Variants in ARHGEF17 observed in about 807,000 individuals in gnomAD.
ARHGEF17 encodes 164 kDa Rho-specific guanine-nucleotide exchange factor.
A neutral mutation model predicts 174.0 loss-of-function variants in ARHGEF17; 80 were observed. The observed-to-expected ratio is 0.46, with a 90% confidence interval of 0.38 to 0.55. The LOEUF (loss-of-function observed/expected upper bound fraction) is 0.55, where lower values mean the gene tolerates loss of function less well. Among genes scored for constraint, ARHGEF17 ranks in the 20% least tolerant of loss-of-function variants. The pLI is 0.00. For synonymous variants in ARHGEF17, 1,311 were observed against 1,189.1 expected (o/e 1.10, Z -2.11); for missense variants, 2,886 against 2,839.7 (o/e 1.02, Z -0.37).
At position 73,362,493 on chromosome 11, in the gene ARHGEF17, G is replaced by T; in HGVS notation, c.4755G>T (p.Glu1585Asp). 6.2e-7 allele frequency: 1 copy of T among 1,600,768 alleles called. No homozygotes were observed. Among genetic ancestry groups the T allele is most frequent in the East Asian group, 2.2e-5 (1 of 44,686 alleles). The change falls in exon 14 of 21, where the codon GAG (glutamate) becomes GAT (aspartate). Residue 1585 changes from glutamate to aspartate, a missense_variant. Glu to Asp is a conservative substitution (Grantham distance 45). Around this residue, in one of 4 missense-constraint regions of ARHGEF17, gnomAD observed 476 missense variants for 473.1 expected, o/e 1.01. Transcript: ENST00000263674. ...CGGCACCGGAGCCCGCCGGGCCGGAGCTGGACGTCGAGGCCGCTGCAGACG... is the reference window on the plus strand; with the variant it reads ...CGGCACCGGAGCCCGCCGGGCCGGATCTGGACGTCGAGGCCGCTGCAGACG... Reference protein sequence around the residue: ...PETAPEPAGPELDVEAAADEE... With the variant: ...PETAPEPAGPDLDVEAAADEE...
chr11:73,362,506 G>T lies in ARHGEF17; in HGVS notation c.4768G>T (p.Ala1590Ser). The change falls in exon 14 of 21, where the codon GCC becomes TCC. Residue 1590 changes from alanine (A) to serine (S), a missense_variant. Physicochemically the swap from Ala to Ser is moderately conservative, Grantham distance 99 (BLOSUM62 1). This residue lies in a region of ARHGEF17 where 476 missense variants were observed against 473.1 expected (regional missense o/e 1.01). Coordinates refer to ENST00000263674, the MANE Select transcript of ARHGEF17 (RefSeq NM_014786.4). ...EPAGPELDVE[A>S]AADEEAATLA... is the part of the protein sequence containing the mutation. ...CGCCGGGCCGGAGCTGGACGTCGAG[G>T]CCGCTGCAGACGAGGAAGCCGCGAC... 3 of 1,603,304 alleles carry T rather than the reference G, an allele frequency of 1.9e-6. No individual in the cohort carries two copies. Among genetic ancestry groups the T allele is most frequent in the Non-Finnish European group, 2.5e-6 (3 of 1,177,356 alleles).
intron 16 of ARHGEF17, 96 bp downstream of exon 16, chr11:73,363,929 C>T: frequency 1.5e-6 from 2 of 1,360,640 alleles, no homozygotes; most frequent in Non-Finnish European, 2.1e-6. Flanking sequence ...TACTGTCCCT[C>T]CTCTGTGTGG....
chr11:73,313,707 G>A (rs1039620958), intron 1 of ARHGEF17, among the ~76,000 whole-genome samples: 2 of 152,234 alleles, frequency 1.3e-5, no homozygotes, highest in South Asian at 4.1e-4. Flanking sequence ...TCCCCTTAGG[G>A]GGAGGTAACT....
chr11:73,364,271 CT>C, intron 17 of ARHGEF17, 32 bp downstream of exon 17: 1 of 1,612,764 alleles, frequency 6.2e-7, no homozygotes, highest in Non-Finnish European at 8.5e-7. Flanking sequence ...CACCCTGCCC[CT>C]GTCCCCTTAC....
Position 73,368,489 on chromosome 11 carries a change from A to C in ARHGEF17, c.*709A>C, listed in dbSNP as rs1326754480. 1 of 152,196 alleles carries C rather than the reference A, an allele frequency of 6.6e-6. No individual in the cohort carries two copies. The allele number at this position is 152,196 out of a possible 1,614,324, so 9.4% of individuals were successfully genotyped here. ...ATCAAGATGCTGACTATTAGGGGGC[A>C]GTGATTGCCATCTGGGGACCTGTCA... On this transcript the variant is annotated 3_prime_UTR_variant, in exon 21 of 21. Transcript: ENST00000263674.
intron 1 of ARHGEF17, among the ~76,000 whole-genome samples, chr11:73,331,230 G>A (rs1434674026): frequency 6.6e-6 from 1 of 152,168 alleles, no homozygotes; most frequent in Non-Finnish European, 1.5e-5. Flanking sequence ...GGGAGCACTG[G>A]CCTTGTCCTG....
chr11:73,322,040 G>A (rs1401830731), intron 1 of ARHGEF17, among the ~76,000 whole-genome samples: 1 of 152,234 alleles, frequency 6.6e-6, no homozygotes, highest in Non-Finnish European at 1.5e-5. Flanking sequence ...GGACTGCTGG[G>A]ACCCCACTCC....
At position 73,311,578 on chromosome 11, in the gene ARHGEF17, C is replaced by G. The variant is rs373611740; in HGVS notation, c.2940C>G (p.Pro980=). 1 of 1,613,670 alleles carries G rather than the reference C, an allele frequency of 6.2e-7. No individual in the cohort carries two copies. The highest frequency in any genetic ancestry group is 8.5e-7 in the Non-Finnish European group (1 of 1,180,034). Reference sequence around the variant, plus strand: ...CTGAGCCACCAACTTCTGTTGGTCCCCCTGTGGCTGTGCCAGAACCCATAG... The same window carrying G: ...CTGAGCCACCAACTTCTGTTGGTCCGCCTGTGGCTGTGCCAGAACCCATAG... The part of the protein sequence containing the change: ...VVPEPPTSVG[P]PVAVPEPIGF... Residue 980 remains proline, a synonymous_variant, in exon 1 of 21, where the codon CCC becomes CCG. Transcript: ENST00000263674.
At chr11:73,317,605 G>A (rs1790468750) in intron 1 of ARHGEF17, among the ~76,000 whole-genome samples, 1 of 152,226 alleles carries the variant, frequency 6.6e-6, no homozygotes, top group Non-Finnish European at 1.5e-5. Flanking sequence ...AGGCAGCCTG[G>A]CGCCTTGCTG....
In ARHGEF17 at chr11:73,309,634, T is replaced by A. The variant is rs934097186; in HGVS notation, c.996T>A (p.Ser332=). 2 of 1,612,980 alleles carry A rather than the reference T, an allele frequency of 1.2e-6. No homozygotes were observed. Among genetic ancestry groups the A allele is most frequent in the Non-Finnish European group, 1.7e-6 (2 of 1,179,990 alleles). ...CTGGGAGCCCTGAGCCCCCAACATC[T>A]CCAAGAGCCCCTAGAGAAGAAGGAC... ...GVSGSPEPPT[S]PRAPREEGLR... is the part of the protein sequence containing the mutation. Residue 332 remains serine, a synonymous_variant, in exon 1 of 21, where the codon TCT becomes TCA. Coordinates refer to ENST00000263674, the MANE Select transcript of ARHGEF17 (RefSeq NM_014786.4).
chr11:73,336,668 A>G (rs575087581), intron 1 of ARHGEF17, among the ~76,000 whole-genome samples: 1 of 152,182 alleles, frequency 6.6e-6, no homozygotes, highest in East Asian at 1.9e-4. Context: ...CATATGAAGG[A>G]CCCTGGGTTC....
chr11:73,345,977 G>A (rs1164140632), intron 1 of ARHGEF17, among the ~76,000 whole-genome samples: 1 of 152,046 alleles, frequency 6.6e-6, no homozygotes, highest in Non-Finnish European at 1.5e-5. Flanking sequence ...GAGGGGAGAG[G>A]TGTAGGGACT....
Position 73,362,428 on chromosome 11 carries a change from C to T in ARHGEF17, c.4695-5C>T. 1.3e-6 allele frequency: 2 copies of T among 1,544,786 alleles called. No homozygotes were observed. Among genetic ancestry groups the T allele is most frequent in the African/African-American group, 1.4e-5 (1 of 73,760 alleles). Reference sequence around the variant, plus strand: ...TGCTGTCATCCTCACTCCGTCTTCTCGCAGGGAGCCTCCTCCGTCGCTGAG... The same window carrying T: ...TGCTGTCATCCTCACTCCGTCTTCTTGCAGGGAGCCTCCTCCGTCGCTGAG... On this transcript the variant is annotated splice_region_variant and splice_polypyrimidine_tract_variant and intron_variant, in intron 13 of 20. Transcript: ENST00000263674.
rs370293085 is a variant in ARHGEF17, at chr11:73,310,365, C to A, written c.1727C>A (p.Pro576His). The A allele has an allele frequency of 6.2e-7, 1 of 1,613,804 alleles. No individual in the cohort carries two copies. Among genetic ancestry groups the A allele is most frequent in the Non-Finnish European group, 8.5e-7 (1 of 1,180,028 alleles). Residue 576 changes from proline (P) to histidine (H), a missense_variant, in exon 1 of 21, where the codon CCT (proline) becomes CAT (histidine). This residue lies in a region of ARHGEF17 where 1,728 missense variants were observed against 1,461.2 expected (regional missense o/e 1.18). Transcript: ENST00000263674. ...TCCTCCGAGCTCCTGCTCACAGGCC[C>A]TGGTGCCGAGGAGGATCCGCTGCCC... Reference protein sequence around the residue: ...SSSSELLLTGPGAEEDPLPLI... With the variant: ...SSSSELLLTGHGAEEDPLPLI...
intron 1 of ARHGEF17, among the ~76,000 whole-genome samples, chr11:73,332,349 C>CTGTG (rs1565194921): frequency 4.4e-5 from 5 of 114,260 alleles, no homozygotes; most frequent in African/African-American, 1.7e-4. Flanking sequence ...GGCTTTTTCT[C>CTGTG]CGTGTGTGTG....
Position 73,310,241 on chromosome 11 carries a change from A to C in ARHGEF17, c.1603A>C (p.Lys535Gln), listed in dbSNP as rs767439240. Residue 535 changes from lysine (K) to glutamine (Q), a missense_variant, in exon 1 of 21, where the codon AAG (lysine) becomes CAG (glutamine). Physicochemically the swap from Lys to Gln is moderately conservative, Grantham distance 53. This residue lies in a region of ARHGEF17 where 1,728 missense variants were observed against 1,461.2 expected (regional missense o/e 1.18). Transcript: ENST00000263674. Reference sequence around the variant, plus strand: ...ATCACCTGGCACGCGCCCCACACTCAAGGACTTGACAGCCACTCTGCGGAG... The same window carrying C: ...ATCACCTGGCACGCGCCCCACACTCCAGGACTTGACAGCCACTCTGCGGAG... The part of the protein sequence containing the change: ...PASPGTRPTL[K>Q]DLTATLRRAK... The C allele has an allele frequency of 1.2e-6, 2 of 1,613,876 alleles. No homozygotes were observed. Among genetic ancestry groups the C allele is most frequent in the African/African-American group, 2.7e-5 (2 of 74,916 alleles).
intron 7 of ARHGEF17, 66 bp from the exon 8 acceptor site, chr11:73,356,959 T>C (rs1865652568): frequency 1.3e-6 from 2 of 1,561,670 alleles, no homozygotes; most frequent in African/African-American, 2.7e-5. Context: ...CCTTGGGCAC[T>C]ATGGGCAGGG....
rs780650813 is a variant in ARHGEF17 at position 73,360,375 on chromosome 11, A to T, written c.4262A>T (p.Glu1421Val). 2 of 1,613,928 alleles carry T rather than the reference A, an allele frequency of 1.2e-6. No individual in the cohort carries two copies. Among genetic ancestry groups the T allele is most frequent in the South Asian group, 2.2e-5 (2 of 91,092 alleles). ...GCTGCCATGCACCGGGACCTGTCGG[A>T]GAAGCAGGCGCTGTGCTACGCGCTT... The part of the protein sequence containing the change: ...LSAAMHRDLS[E>V]KQALCYALSF... Residue 1421 changes from glutamate to valine, a missense_variant, in exon 11 of 21, where the codon GAG becomes GTG. Transcript: ENST00000263674.
chr11:73,361,302 T>G, intron 12 of ARHGEF17, 141 bp downstream of exon 12: 1 of 735,012 alleles, frequency 1.4e-6, no homozygotes, highest in East Asian at 2.7e-5. Flanking sequence ...TCTGTACATG[T>G]GTGTGGGTGC....
Sources: gnomAD v4.1 joint callset for allele counts (sites outside exome capture counted in the v4.1 genomes callset) on GRCh38, gnomAD v4.1.1 for gene constraint, gnomAD v4.1.1 regional missense constraint, MANE v1.5 for transcripts, NCBI Gene and HGNC (gene_info 2026-07-23, HGNC 2026-07-21) for gene names.